UBE2E3: variants seen among roughly 807,000 people sequenced by gnomAD.
UBE2E3 encodes the protein ubiquitin-conjugating enzyme E2 E3.
Under a neutral mutation model 23.6 loss-of-function variants are expected in UBE2E3, and 5 were observed. The ratio of observed to expected loss-of-function variants is 0.21; its 90% CI spans 0.11 to 0.44. UBE2E3 has a LOEUF of 0.44. Among genes scored for constraint, UBE2E3 ranks in the 20% least tolerant of loss-of-function variants. The probability of loss-of-function intolerance (pLI) is 0.99; values close to 1 mark genes in which losing one functional copy is unlikely to be tolerated. For missense variants in UBE2E3, 81 were observed against 249.8 expected (o/e 0.32, Z 4.55); for synonymous variants, 78 against 87.5 (o/e 0.89, Z 0.60).
intron 3 of UBE2E3, among the ~76,000 whole-genome samples, chr2:181,029,797 G>C (rs926930683): frequency 6.8e-6 from 1 of 147,066 alleles, no homozygotes; most frequent in Non-Finnish European, 1.5e-5. Context: ...GATGTTTGGC[G>C]TGGGTGTTTG....
intron 3 of UBE2E3, among the ~76,000 whole-genome samples, chr2:180,995,194 A>G (rs1198778551): frequency 1.3e-5 from 2 of 152,124 alleles, no homozygotes; most frequent in African/African-American, 2.4e-5. Flanking sequence ...AAATAACACC[A>G]TGGGACCCAT....
At chr2:181,026,281 A>G (rs961349495) in intron 3 of UBE2E3, among the ~76,000 whole-genome samples, 1 of 151,794 alleles carries the variant, frequency 6.6e-6, no homozygotes, top group Non-Finnish European at 1.5e-5. Context: ...TAGATTACAT[A>G]TTCTGTAGAT....
intron 3 of UBE2E3, among the ~76,000 whole-genome samples, chr2:181,032,749 A>G (rs542011806): frequency 3.3e-5 from 5 of 152,314 alleles, no homozygotes; most frequent in East Asian, 1.9e-4. Flanking sequence ...AACCACTGCA[A>G]TTTTTGGGCA....
At chr2:181,023,810 G>A (rs953860676) in intron 3 of UBE2E3, among the ~76,000 whole-genome samples, 1 of 152,110 alleles carries the variant, frequency 6.6e-6, no homozygotes, top group Non-Finnish European at 1.5e-5. Flanking sequence ...TAATTTTGGT[G>A]TGAGAATTAA....
At chr2:181,061,736 T>C (rs1687158516) in intron 5 of UBE2E3, among the ~76,000 whole-genome samples, 2 of 151,360 alleles carry the variant, frequency 1.3e-5, no homozygotes, top group East Asian at 3.9e-4. Context: ...AAGTGATGTT[T>C]AGACCTGAAA....
intron 3 of UBE2E3, among the ~76,000 whole-genome samples, chr2:181,031,743 A>C (rs573966431): frequency 2.6e-5 from 4 of 152,098 alleles, no homozygotes; most frequent in Non-Finnish European, 5.9e-5. Context: ...TTTGGAGGCT[A>C]TACACTATTT....
intron 5 of UBE2E3, among the ~76,000 whole-genome samples, chr2:181,062,084 G>T (rs1558941037): frequency 6.6e-6 from 1 of 151,744 alleles, no homozygotes; most frequent in Non-Finnish European, 1.5e-5. Flanking sequence ...GTCAGTGCAT[G>T]TAAGAACTCT....
At chr2:181,056,974 G>A (rs191796906) in intron 3 of UBE2E3, among the ~76,000 whole-genome samples, 10 of 151,742 alleles carry the variant, frequency 6.6e-5, no homozygotes, top group East Asian at 3.9e-4. Context: ...CCAGAAATGC[G>A]TTACATGAAT....
chr2:181,056,404 A>T (rs185188998), intron 3 of UBE2E3, among the ~76,000 whole-genome samples: 116 of 151,886 alleles, frequency 7.6e-4, no homozygotes, highest in Non-Finnish European at 1.1e-3. Flanking sequence ...CCTGATGGGC[A>T]TCTGCATCTG....
intron 3 of UBE2E3, among the ~76,000 whole-genome samples, chr2:181,037,822 A>G (rs1244474637): frequency 1.3e-5 from 2 of 152,106 alleles, no homozygotes; most frequent in Non-Finnish European, 2.9e-5. Flanking sequence ...TTTAAAAATT[A>G]GCGGGCATGG....
At chr2:181,026,514 A>ATT (rs776158592) in intron 3 of UBE2E3, among the ~76,000 whole-genome samples, 7 of 139,014 alleles carry the variant, frequency 5.0e-5, no homozygotes, top group African/African-American at 1.6e-4. Context: ...TCTTTCAACT[A>ATT]TTTTTTTTTT....
intron 3 of UBE2E3, among the ~76,000 whole-genome samples, chr2:180,984,512 A>AT: frequency 6.6e-6 from 1 of 152,340 alleles, no homozygotes; most frequent in Non-Finnish European, 1.5e-5. Context: ...AATGCAGTAA[A>AT]TAAGCATATA....
At chr2:180,988,879 T>A (rs1244121982) in intron 3 of UBE2E3, among the ~76,000 whole-genome samples, 1 of 152,106 alleles carries the variant, frequency 6.6e-6, no homozygotes, top group Non-Finnish European at 1.5e-5. Context: ...TCTCATTAGT[T>A]ATCTAGTCCT....
At chr2:181,008,518 G>A (rs1412121249) in intron 3 of UBE2E3, among the ~76,000 whole-genome samples, 3 of 152,172 alleles carry the variant, frequency 2.0e-5, no homozygotes, top group Admixed American at 6.5e-5. Context: ...TCTAGTTCTG[G>A]CTGAGGTCCA....
chr2:180,980,476 A>C (rs1684228696), upstream of UBE2E3: 1 of 149,916 alleles, frequency 6.7e-6, no homozygotes, highest in Non-Finnish European at 1.5e-5. This position sits in a 1 kb window ranked among gnomAD's most constrained non-coding sequence, Gnocchi z 5.5. Context: ...GGAGGTGTGG[A>C]GAGCGCGCAC....
chr2:180,989,804 C>G, intron 3 of UBE2E3: 1 of 1,405,016 alleles, frequency 7.1e-7, no homozygotes, highest in Non-Finnish European at 9.5e-7. Flanking sequence ...CAGTCATATT[C>G]CTCTCATAAC....
intron 2 of UBE2E3, among the ~76,000 whole-genome samples, chr2:180,982,783 T>C (rs1684343325): frequency 6.6e-6 from 1 of 152,220 alleles, no homozygotes. Context: ...GTAACTTTCC[T>C]GGTTAAATTA....
At chr2:181,057,578 T>G in intron 3 of UBE2E3, 115 bp from the exon 4 acceptor site, 1 of 818,426 alleles carries the variant, frequency 1.2e-6, no homozygotes, top group East Asian at 2.5e-5. Context: ...TTTATACTTA[T>G]TTTACTTCTT....
chr2:181,026,036 T>C (rs1685871723), intron 3 of UBE2E3, among the ~76,000 whole-genome samples: 1 of 151,882 alleles, frequency 6.6e-6, no homozygotes, highest in Non-Finnish European at 1.5e-5. Context: ...TTTGATCTCA[T>C]TTGCAGGGTC....
Sources: gnomAD v4.1 joint callset for allele counts (sites outside exome capture counted in the v4.1 genomes callset) on GRCh38, gnomAD v4.1.1 for gene constraint, Gnocchi (gnomAD v3.1) non-coding constraint, MANE v1.5 for transcripts, NCBI Gene and HGNC (gene_info 2026-07-23, HGNC 2026-07-21) for gene names.